The following LIMK1 variants were observed in gnomAD, a reference collection of about 807,000 sequenced individuals.
LIMK1 encodes LIM motif-containing protein kinase.
In LIMK1, 21 loss-of-function variants were observed where a neutral mutation model predicts 77.6. The observed-to-expected ratio is 0.27, with a 90% CI of 0.19 to 0.39. The LOEUF (loss-of-function observed/expected upper bound fraction) is 0.39, where lower values mean the gene tolerates loss of function less well. Among genes scored for constraint, LIMK1 ranks in the 10% least tolerant of loss-of-function variants. The pLI is 1.00. For synonymous variants in LIMK1, 358 were observed against 370.0 expected (o/e 0.97, Z 0.37); for missense variants, 696 against 901.6 (o/e 0.77, Z 2.92).
At chr7:74,102,558 A>T (rs1453502209) in intron 5 of LIMK1, among the ~76,000 whole-genome samples, 1 of 134,492 alleles carries the variant, frequency 7.4e-6, no homozygotes, top group Non-Finnish European at 1.5e-5. Flanking sequence ...ATCACAGCTC[A>T]CTGCAGCCTC....
chr7:74,084,591 G>A (rs1223445723), intron 1 of LIMK1, among the ~76,000 whole-genome samples: 1 of 152,152 alleles, frequency 6.6e-6, no homozygotes, highest in South Asian at 2.1e-4. Flanking sequence ...AGGCGTCCAG[G>A]AAGCCGGAGG....
At chr7:74,114,277 T>TA in intron 12 of LIMK1, among the ~76,000 whole-genome samples, 1 of 151,882 alleles carries the variant, frequency 6.6e-6, no homozygotes, top group Non-Finnish European at 1.5e-5. Flanking sequence ...TGTGTTGGCT[T>TA]ACACCTGTAA....
At chr7:74,099,756 T>C (rs1241728778) in intron 5 of LIMK1, among the ~76,000 whole-genome samples, 1 of 151,310 alleles carries the variant, frequency 6.6e-6, no homozygotes, top group Non-Finnish European at 1.5e-5. Flanking sequence ...AAAAACACAC[T>C]CAAAAAATAA....
chr7:74,101,970 C>G, intron 5 of LIMK1, among the ~76,000 whole-genome samples: 1 of 152,080 alleles, frequency 6.6e-6, no homozygotes, highest in East Asian at 1.9e-4. Flanking sequence ...ACTACAGGCA[C>G]ACACCACCAC....
intron 2 of LIMK1, chr7:74,093,082 T>G: frequency 7.2e-7 from 1 of 1,388,738 alleles, no homozygotes; most frequent in Non-Finnish European, 9.4e-7. Flanking sequence ...TCAGACCAAG[T>G]CCCCTGGCAC....
rs782257025 is a variant in LIMK1, at chr7:74,107,040, C to A, written c.912C>A (p.Gly304=). The A allele has an allele frequency of 1.2e-6, 2 of 1,600,456 alleles. No individual in the cohort carries two copies. The highest frequency in any genetic ancestry group is 1.7e-5 in the Admixed American group (1 of 58,516). ...GCTGCAGCATCGACAGGTCTCCGGG[C>A]GCTGGCTCACTGGGCTCCCCGGCCT... The part of the protein sequence containing the change: ...LRSCSIDRSP[G]AGSLGSPASQ... Residue 304 remains glycine (G), a synonymous_variant, in exon 8 of 16, where the codon GGC becomes GGA. Transcript: ENST00000336180.
At chr7:74,093,243 A>G in intron 2 of LIMK1, 3 of 1,535,904 alleles carry the variant, frequency 2.0e-6, no homozygotes, top group Non-Finnish European at 2.6e-6. Flanking sequence ...CAGTGTAGCC[A>G]CAGAGGATGC....
chr7:74,092,955 A>G (rs1799265571), intron 2 of LIMK1: 1 of 460,848 alleles, frequency 2.2e-6, no homozygotes, highest in African/African-American at 2.0e-5. Context: ...TGTGTTCAGG[A>G]CTGAGGGCCA....
chr7:74,096,878 C>T (rs1228061480), intron 3 of LIMK1, 118 bp downstream of exon 3: 2 of 1,320,172 alleles, frequency 1.5e-6, no homozygotes, highest in African/African-American at 3.0e-5. Flanking sequence ...GTCTTTGGAG[C>T]TGCTTTCTGA....
intron 10 of LIMK1, 91 bp from the exon 11 acceptor site, chr7:74,111,557 C>A: frequency 9.4e-7 from 1 of 1,062,114 alleles, no homozygotes; most frequent in Non-Finnish European, 1.4e-6. Context: ...CCCTCTAGGA[C>A]GCTTGCCTCT....
chr7:74,097,736 A>G (rs1799364486), intron 4 of LIMK1, among the ~76,000 whole-genome samples: 4 of 152,200 alleles, frequency 2.6e-5, no homozygotes, highest in Admixed American at 2.6e-4. Context: ...TGGTGCTGGC[A>G]CAAACCACCA....
At chr7:74,092,535 G>A (rs1799257073) in intron 2 of LIMK1, among the ~76,000 whole-genome samples, 1 of 152,182 alleles carries the variant, frequency 6.6e-6, no homozygotes, top group Non-Finnish European at 1.5e-5. Flanking sequence ...TGACCTCCCA[G>A]CCCCTTGCAG....
chr7:74,106,449 AAC>A (rs1351590644), intron 7 of LIMK1, among the ~76,000 whole-genome samples: 1 of 152,108 alleles, frequency 6.6e-6, no homozygotes, highest in Non-Finnish European at 1.5e-5. Context: ...AAAAAGAGGA[AAC>A]ACACATTTTT....
At chr7:74,096,478 C>T (rs1014902092) in intron 2 of LIMK1, 144 bp from the exon 3 acceptor site, 14 of 1,064,130 alleles carry the variant, frequency 1.3e-5, no homozygotes, top group East Asian at 1.1e-4. Flanking sequence ...TGCAGCCTGG[C>T]GACAGAGCAA....
At position 74,083,961 on chromosome 7, in the gene LIMK1, C is replaced by G; in HGVS notation, c.-30C>G. ...CGGGCCCGGCCGCCCCCAGCCCCAGCCCCGCCGGGCCCCGCCCCCCGTCGA... is the reference window on the plus strand; with the variant it reads ...CGGGCCCGGCCGCCCCCAGCCCCAGGCCCGCCGGGCCCCGCCCCCCGTCGA... On this transcript the variant is annotated 5_prime_UTR_variant, in exon 1 of 16. Coordinates refer to ENST00000336180, the MANE Select transcript of LIMK1 (RefSeq NM_002314.4). 1.7e-6 allele frequency: 2 copies of G among 1,172,882 alleles called. No individual in the cohort carries two copies. Among genetic ancestry groups the G allele is most frequent in the Non-Finnish European group, 2.2e-6 (2 of 902,260 alleles). The allele number at this position is 1,172,882 out of a possible 1,614,324, so 72.7% of individuals were successfully genotyped here.
chr7:74,108,278 C>T (rs1180526845), intron 9 of LIMK1, among the ~76,000 whole-genome samples: 1 of 152,016 alleles, frequency 6.6e-6, no homozygotes, highest in African/African-American at 2.4e-5. Context: ...TTGGAGGCTG[C>T]AATGAGCCAT....
intron 4 of LIMK1, among the ~76,000 whole-genome samples, chr7:74,097,616 C>T (rs1341469035): frequency 6.6e-6 from 1 of 152,208 alleles, no homozygotes; most frequent in Non-Finnish European, 1.5e-5. Context: ...GTGGAAGTTG[C>T]AGTGAGCCAA....
chr7:74,115,522 C>T (rs1408553210), intron 12 of LIMK1: 32 of 392,054 alleles, frequency 8.2e-5, no homozygotes, highest in Non-Finnish European at 1.2e-4. Flanking sequence ...GCAGTGGGTC[C>T]GCCACGACGG....
At chr7:74,113,561 G>A (rs527926898) in intron 12 of LIMK1, among the ~76,000 whole-genome samples, 2 of 151,868 alleles carry the variant, frequency 1.3e-5, no homozygotes, top group African/African-American at 2.4e-5. Flanking sequence ...GGAGGCAGAG[G>A]TTGTAGTGAG....
Sources: gnomAD v4.1 joint callset for allele counts (sites outside exome capture counted in the v4.1 genomes callset) on GRCh38, gnomAD v4.1.1 for gene constraint, MANE v1.5 for transcripts, NCBI Gene and HGNC (gene_info 2026-07-23, HGNC 2026-07-21) for gene names.